The following PLG variants were observed in gnomAD, a reference collection of about 807,000 sequenced individuals.
PLG encodes plasminogen.
In PLG, 41 loss-of-function variants were observed where a neutral mutation model predicts 104.4. That is an observed-to-expected ratio of 0.39 (90% CI 0.31 to 0.51). PLG has a LOEUF of 0.51. Among genes scored for constraint, PLG ranks in the 20% least tolerant of loss-of-function variants. PLG has a pLI of 0.76. For synonymous variants in PLG, 337 were observed against 357.1 expected, an observed-to-expected ratio of 0.94 and a Z score of 0.63; for missense variants, 891 against 1,003.6, an observed-to-expected ratio of 0.89 and a Z score of 1.52.
In PLG at chr6:160,726,362, T is replaced by G. The variant is rs1404649083; in HGVS notation, c.1256+3795T>G. Among the ~76,000 whole-genome samples the G allele has an allele frequency of 6.6e-6, 1 of 152,028 alleles. No homozygotes were observed. The highest frequency in any genetic ancestry group is 2.4e-5 in the African/African-American group (1 of 41,438). Reference sequence around the variant, plus strand: ...TACTTCATAAGTCAAAGAAGGAATTTAGAAAAGTTTTGAACTGAATAATAG... The same window carrying G: ...TACTTCATAAGTCAAAGAAGGAATTGAGAAAAGTTTTGAACTGAATAATAG... On this transcript the variant is annotated intron_variant, in intron 10 of 18. Transcript: ENST00000308192. This position sits in a 1 kb window ranked among gnomAD's most constrained non-coding sequence, Gnocchi z 4.4.
rs1235905672 is a variant in PLG, at chr6:160,724,331, G to A, written c.1256+1764G>A. ...AAAAAGTGCATGTTTAATGAAAAAT[G>A]TACTGGCTACCCTTACCATCAGGTT... On this transcript the variant is annotated intron_variant, in intron 10 of 18. Transcript: ENST00000308192. This position sits in a 1 kb window ranked among gnomAD's most constrained non-coding sequence, Gnocchi z 5.0. 6.6e-6 allele frequency among the ~76,000 whole-genome samples: 1 copy of A among 152,112 alleles called. No individual in the cohort carries two copies. The highest frequency in any genetic ancestry group is 1.5e-5 in the Non-Finnish European group (1 of 68,020).
Position 160,753,026 on chromosome 6 carries a change from G to C in PLG, c.2398G>C (p.Val800Leu). The change falls in exon 19 of 19, where the codon GTT (valine) becomes CTT (leucine). Residue 800 changes from valine (V) to leucine (L), a missense_variant. By Grantham distance (32) the Val-to-Leu change is conservative (BLOSUM62 1). This residue lies in a region of PLG where 37 missense variants were observed against 71.5 expected (regional missense o/e 0.52). Coordinates refer to ENST00000308192, the MANE Select transcript of PLG (RefSeq NM_000301.5). The surrounding 1 kb of genome is among the most constrained non-coding windows in gnomAD (Gnocchi z 5.4). ...PGVYVRVSRF[V>L]TWIEGVMRNN ...TGTCTATGTTCGTGTTTCAAGGTTT[G>C]TTACTTGGATTGAGGGAGTGATGAG... 6.3e-7 allele frequency: 1 copy of C among 1,598,718 alleles called. No homozygotes were observed. Among genetic ancestry groups the C allele is most frequent in the South Asian group, 1.1e-5 (1 of 90,642 alleles).
At chr6:160,710,446 G>T (rs1777620067) in intron 3 of PLG, among the ~76,000 whole-genome samples, 1 of 152,048 alleles carries the variant, frequency 6.6e-6, no homozygotes, top group Non-Finnish European at 1.5e-5. Flanking sequence ...TGTGGACCCA[G>T]GTGGGCACCG....
rs1248213228 is a variant in PLG, at chr6:160,723,093, G to A, written c.1256+526G>A. Among the ~76,000 whole-genome samples, 2 of 150,776 alleles carry A rather than the reference G, an allele frequency of 1.3e-5. No individual in the cohort carries two copies. The highest frequency in any genetic ancestry group is 2.9e-5 in the Non-Finnish European group (2 of 67,820). Reference sequence around the variant, plus strand: ...AGATATACAAGTATACATATATAGTGTGTATATATATGTACACATATATGT... The same window carrying A: ...AGATATACAAGTATACATATATAGTATGTATATATATGTACACATATATGT... On this transcript the variant is annotated intron_variant, in intron 10 of 18. Coordinates refer to ENST00000308192, the MANE Select transcript of PLG (RefSeq NM_000301.5). The surrounding 1 kb of genome is among the most constrained non-coding windows in gnomAD (Gnocchi z 4.7).
chr6:160,752,455 G>A lies in PLG; in HGVS notation c.2271+195G>A, dbSNP rs1436691645. On this transcript the variant is annotated intron_variant, in intron 18 of 18. Transcript: ENST00000308192. The surrounding 1 kb of genome is among the most constrained non-coding windows in gnomAD (Gnocchi z 4.7). Reference sequence around the variant, plus strand: ...TCTAAGGGGATGTCTTGGGGCTTGAGTTCCAAATCAGTAGCAAGCGAGTTT... The same window carrying A: ...TCTAAGGGGATGTCTTGGGGCTTGAATTCCAAATCAGTAGCAAGCGAGTTT... 6.6e-6 allele frequency among the ~76,000 whole-genome samples: 1 copy of A among 152,174 alleles called. No individual in the cohort carries two copies. Among genetic ancestry groups the A allele is most frequent in the Non-Finnish European group, 1.5e-5 (1 of 68,038 alleles).
At position 160,739,166 on chromosome 6, in the gene PLG, T is replaced by C. The variant is rs965939583; in HGVS notation, c.1976T>C (p.Leu659Ser). ...GAAATAGAAGTGTCTAGGCTGTTCT[T>C]GGAGCCCACACGAAAAGATATTGCC... ...VQEIEVSRLF[L>S]EPTRKDIALL... The change falls in exon 16 of 19, where the codon TTG (leucine) becomes TCG (serine). Residue 659 changes from leucine to serine, a missense_variant. Around this residue, in one of 2 missense-constraint regions of PLG, gnomAD observed 854 missense variants for 932.1 expected, o/e 0.92. Transcript: ENST00000308192. This position sits in a 1 kb window ranked among gnomAD's most constrained non-coding sequence, Gnocchi z 4.4. 1.9e-6 allele frequency: 3 copies of C among 1,614,194 alleles called. No individual in the cohort carries two copies. The highest frequency in any genetic ancestry group is 2.5e-6 in the Non-Finnish European group (3 of 1,180,050).
In PLG at chr6:160,722,466, C is replaced by T. The variant is rs1233756433; in HGVS notation, c.1155C>T (p.Tyr385=). The T allele has an allele frequency of 1.2e-6, 2 of 1,612,816 alleles. No individual in the cohort carries two copies. Among genetic ancestry groups the T allele is most frequent in the Non-Finnish European group, 1.7e-6 (2 of 1,178,928 alleles). Residue 385 remains tyrosine (Y), a synonymous_variant, in exon 10 of 19, where the codon TAC becomes TAT. Coordinates refer to ENST00000308192, the MANE Select transcript of PLG (RefSeq NM_000301.5). The stretch of plus-strand genomic sequence containing the variant: ...GCTACCATGGTGATGGACAGAGCTA[C>T]CGAGGCACATCCTCCACCACCACCA... The part of the protein sequence containing the change: ...QDCYHGDGQS[Y]RGTSSTTTTG...
chr6:160,750,276 C>T (rs1282500362), intron 17 of PLG, among the ~76,000 whole-genome samples: 1 of 152,168 alleles, frequency 6.6e-6, no homozygotes, highest in East Asian at 1.9e-4. Flanking sequence ...CCCTGTTGCC[C>T]TCTCCCCAAC....
chr6:160,748,428 G>GAGAA (rs1778330909), intron 17 of PLG, among the ~76,000 whole-genome samples: 1 of 70,910 alleles, frequency 1.4e-5, no homozygotes, highest in South Asian at 8.2e-4. Context: ...GAAAGAAAGA[G>GAGAA]AACGAAAGAA....
rs1482023926 is a variant in PLG, at chr6:160,707,758, T to C, written c.244T>C (p.Ser82Pro). The C allele has an allele frequency of 6.2e-7, 1 of 1,611,534 alleles. No individual in the cohort carries two copies. Among genetic ancestry groups the C allele is most frequent in the Non-Finnish European group, 8.5e-7 (1 of 1,179,464 alleles). Residue 82 changes from serine to proline, a missense_variant, in exon 3 of 19, where the codon TCC (serine) becomes CCC (proline). Coordinates refer to ENST00000308192, the MANE Select transcript of PLG (RefSeq NM_000301.5). ...TGTGATAATGGCTGAAAACAGGAAG[T>C]CCTCCATAATCATTAGGATGAGAGA... ...QCVIMAENRK[S>P]SIIIRMRDVV...
At position 160,734,759 on chromosome 6, in the gene PLG, A is replaced by AG. The variant is rs1404755212; in HGVS notation, c.1681+671_1681+672insG. The stretch of plus-strand genomic sequence containing the variant: ...TGGGTATTTCTGAAAAAAAAAAAAA[A>AG]AAAAAGAAAGGAAGCTACTTGGAAT... On this transcript the variant is annotated intron_variant, in intron 13 of 18. Transcript: ENST00000308192. The surrounding 1 kb of genome is among the most constrained non-coding windows in gnomAD (Gnocchi z 4.4). Among the ~76,000 whole-genome samples, 46 of 151,210 alleles carry AG rather than the reference A, an allele frequency of 3.0e-4. No individual in the cohort carries two copies. Among genetic ancestry groups the AG allele is most frequent in the African/African-American group, 7.0e-4 (29 of 41,312 alleles).
At chr6:160,747,103 A>G (rs991762279) in intron 17 of PLG, among the ~76,000 whole-genome samples, 1 of 152,226 alleles carries the variant, frequency 6.6e-6, no homozygotes, top group Non-Finnish European at 1.5e-5. Flanking sequence ...CAATAACAAC[A>G]AAAGTTATAA....
At position 160,709,290 on chromosome 6, in the gene PLG, A is replaced by G. The variant is rs1777591838; in HGVS notation, c.292+1484A>G. ...GGTTTTGCCAGGAACAGTCAGTGTT[A>G]GATCACATTTACTTCTGCCACTTGC... On this transcript the variant is annotated intron_variant, in intron 3 of 18. Transcript: ENST00000308192. Among the ~76,000 whole-genome samples the G allele has an allele frequency of 2.0e-5, 3 of 152,292 alleles. No individual in the cohort carries two copies. In the South Asian group the frequency reaches 6.2e-4, roughly 32 times the overall value.
At chr6:160,743,206 G>A (rs1221361096) in intron 17 of PLG, among the ~76,000 whole-genome samples, 1 of 152,040 alleles carries the variant, frequency 6.6e-6, no homozygotes, top group Non-Finnish European at 1.5e-5. Flanking sequence ...GAATATCATT[G>A]GCAGTTTGAT....
chr6:160,722,397 T>G lies in PLG; in HGVS notation c.1097-11T>G, dbSNP rs1369589256. On this transcript the variant is annotated splice_polypyrimidine_tract_variant and intron_variant, in intron 9 of 18. Coordinates refer to ENST00000308192, the MANE Select transcript of PLG (RefSeq NM_000301.5). Reference sequence around the variant, plus strand: ...AATTGTTAAGCTTGATTTCTTTTATTTTAATTTCAGCACCACCTGAGCTAA... The same window carrying G: ...AATTGTTAAGCTTGATTTCTTTTATGTTAATTTCAGCACCACCTGAGCTAA... 2.5e-6 allele frequency: 4 copies of G among 1,606,604 alleles called. No individual in the cohort carries two copies. The highest frequency in any genetic ancestry group is 3.4e-6 in the Non-Finnish European group (4 of 1,173,216).
chr6:160,703,209 C>T (rs1777452691), intron 1 of PLG, among the ~76,000 whole-genome samples: 2 of 151,706 alleles, frequency 1.3e-5, no homozygotes, highest in Admixed American at 1.3e-4. Flanking sequence ...TCTCACTTTT[C>T]AGCTTTGTTT....
chr6:160,729,490 A>G (rs886673855), intron 10 of PLG, among the ~76,000 whole-genome samples: 6 of 152,246 alleles, frequency 3.9e-5, no homozygotes, highest in Non-Finnish European at 8.8e-5. Context: ...AAGGTCAATC[A>G]ATGAGAAAAT....
Position 160,714,880 on chromosome 6 carries a change from C to T in PLG, c.634C>T (p.Gln212Ter), listed in dbSNP as rs868287232. The change falls in exon 6 of 19, where the codon CAG (glutamine) becomes TAG (stop). Residue 212 changes from glutamine to a stop codon, truncating the protein, a stop_gained. Transcript: ENST00000308192. LOFTEE classifies it high-confidence loss of function. ...SGLECQAWDS[Q>*]SPHAHGYIPS... Reference sequence around the variant, plus strand: ...ACTGGAATGCCAGGCCTGGGACTCTCAGAGCCCACACGCTCATGGATACAT... The same window carrying T: ...ACTGGAATGCCAGGCCTGGGACTCTTAGAGCCCACACGCTCATGGATACAT... The T allele has an allele frequency of 6.2e-7, 1 of 1,613,838 alleles. No homozygotes were observed. The highest frequency in any genetic ancestry group is 1.3e-5 in the African/African-American group (1 of 75,034).
chr6:160,748,451 G>GAACGAAAGAAA lies in PLG; in HGVS notation c.2126-3664_2126-3663insAACGAAAGAAA, dbSNP rs1562383604. Among the ~76,000 whole-genome samples the GAACGAAAGAAA allele has an allele frequency of 4.3e-4, 52 of 120,620 alleles. 1 individual carries two copies. Among genetic ancestry groups the GAACGAAAGAAA allele is most frequent in the African/African-American group, 9.7e-4 (25 of 25,766 alleles). 79.1% of individuals were successfully genotyped at this position (120,620 alleles called of 152,430 possible). A position where few individuals can be genotyped will look rare whatever the true frequency, so the allele number is the denominator to read the frequency against. Reference sequence around the variant, plus strand: ...GAGAACGAAAGAAAGAAGGGAGGGAGGGAGGGAGGGAGGGAGGGAGGGAGG... The same window carrying GAACGAAAGAAA: ...GAGAACGAAAGAAAGAAGGGAGGGAGAACGAAAGAAAGGAGGGAGGGAGGGAGGGAGGGAGG... On this transcript the variant is annotated intron_variant, in intron 17 of 18. Coordinates refer to ENST00000308192, the MANE Select transcript of PLG (RefSeq NM_000301.5).
Sources: allele counts gnomAD v4.1 joint callset (sites outside exome capture counted in the v4.1 genomes callset), GRCh38; gene constraint gnomAD v4.1.1; regional missense constraint gnomAD v4.1.1; non-coding constraint Gnocchi (gnomAD v3.1); transcripts MANE v1.5; gene names NCBI Gene and HGNC (gene_info 2026-07-23, HGNC 2026-07-21).